TH: variants seen among roughly 807,000 people sequenced by gnomAD.
The protein encoded by TH is tyrosine hydroxylase, also known as tyrosine 3-monooxygenase.
In TH, 49 loss-of-function variants were observed where a neutral mutation model predicts 57.4. That is an observed-to-expected ratio of 0.85 (90% confidence interval 0.68 to 1.08). TH has a LOEUF of 1.08. TH is among the 50% of genes least tolerant of loss of function. TH has a pLI of 0.00. For synonymous variants in TH, 330 were observed against 304.5 expected (o/e 1.08, Z -0.87); for missense variants, 720 against 696.7 (o/e 1.03, Z -0.38).
chr11:2,167,920 T>TG lies in TH; in HGVS notation c.589dup (p.Gln197ProfsTer12). 6.2e-7 allele frequency: 1 copy of TG among 1,611,590 alleles called. No homozygotes were observed. The highest frequency in any genetic ancestry group is 8.5e-7 in the Non-Finnish European group (1 of 1,179,424). On this transcript the variant is annotated frameshift_variant, in exon 5 of 13. Coordinates refer to ENST00000352909, the MANE Select transcript of TH (RefSeq NM_000360.4). LOFTEE classifies it high-confidence loss of function. The stretch of plus-strand genomic sequence containing the variant: ...CAGCTTCCTGCGCTGGCGGTACACC[T>TG]GGTCCGAGAAGCCCTGAGGGCAGAG...
intron 6 of TH, 77 bp downstream of exon 6, chr11:2,167,358 G>A: frequency 2.7e-6 from 4 of 1,480,712 alleles, no homozygotes; most frequent in Non-Finnish European, 3.7e-6. Context: ...GGTCCCTGGA[G>A]GCGGCCCTCA....
rs1297405044 is a variant in TH at position 2,171,182 on chromosome 11, C to T, written c.90+515G>A. Among the ~76,000 whole-genome samples the T allele has an allele frequency of 6.6e-6, 1 of 151,916 alleles. No homozygotes were observed. The highest frequency in any genetic ancestry group is 2.4e-5 in the African/African-American group (1 of 41,346). On this transcript the variant is annotated intron_variant, in intron 1 of 12. Coordinates refer to ENST00000352909, the MANE Select transcript of TH (RefSeq NM_000360.4). The surrounding 1 kb of genome is among the most constrained non-coding windows in gnomAD (Gnocchi z 8.6). ...AGCCCAGATACCCTTTGAATTTTGC[C>T]CCCTATTTGCCCAGGACCCCCCACC...
chr11:2,166,367 CG>C lies in TH; in HGVS notation c.1047+112del, dbSNP rs1846090003. 8.8e-6 allele frequency: 12 copies of C among 1,369,642 alleles called. No individual in the cohort carries two copies. In the East Asian group the frequency reaches 2.8e-4, roughly 32 times the overall value. 84.8% of individuals were successfully genotyped at this position (1,369,642 alleles called of 1,614,324 possible). A position where few individuals can be genotyped will look rare whatever the true frequency, so the allele number is the denominator to read the frequency against. On this transcript the variant is annotated intron_variant, in intron 9 of 12. Transcript: ENST00000352909. ...CCCTCGGGGCGCCGAGCCTCCTTGG[CG>C]GGGCCCGGGAGCAGGCAGCACACTT...
chr11:2,164,128 G>T lies in TH; in HGVS notation c.*105C>A. The T allele has an allele frequency of 2.8e-6, 3 of 1,055,244 alleles. No homozygotes were observed. The highest frequency in any genetic ancestry group is 2.5e-6 in the Non-Finnish European group (2 of 801,864). The allele number at this position is 1,055,244 out of a possible 1,614,324, so 65.4% of individuals were successfully genotyped here. The stretch of plus-strand genomic sequence containing the variant: ...GGGGCAGTGGGAGCCTGGCAGCAGG[G>T]AGGGCATGGGGGGCACCCGGGACCC... On this transcript the variant is annotated 3_prime_UTR_variant, in exon 13 of 13. Coordinates refer to ENST00000352909, the MANE Select transcript of TH (RefSeq NM_000360.4).
At position 2,171,421 on chromosome 11, in the gene TH, A is replaced by G. The variant is rs1295378370; in HGVS notation, c.90+276T>C. On this transcript the variant is annotated intron_variant, in intron 1 of 12. Transcript: ENST00000352909. This position sits in a 1 kb window ranked among gnomAD's most constrained non-coding sequence, Gnocchi z 8.6. ...TCCGATCGTTAAGATTCAAGATGAA[A>G]CAAGACACAGAGACCCACACGACCC... 6.6e-6 allele frequency among the ~76,000 whole-genome samples: 1 copy of G among 151,666 alleles called. No homozygotes were observed. The highest frequency in any genetic ancestry group is 1.9e-4 in the East Asian group (1 of 5,158).
intron 12 of TH, 140 bp from the exon 13 acceptor site, chr11:2,164,532 G>T: frequency 1.0e-6 from 1 of 981,618 alleles, no homozygotes; most frequent in Non-Finnish European, 1.4e-6. Flanking sequence ...CTGGTCACAG[G>T]CGGGACACTG....
At chr11:2,169,963 G>A in intron 1 of TH, 92 bp from the exon 2 acceptor site, 2 of 1,271,620 alleles carry the variant, frequency 1.6e-6, no homozygotes, top group Non-Finnish European at 2.2e-6. Context: ...CAGCGCTGAT[G>A]GCACACAGAG....
intron 3 of TH, 105 bp from the exon 4 acceptor site, chr11:2,168,284 A>T (rs1846156270): frequency 7.1e-7 from 1 of 1,413,616 alleles, no homozygotes; most frequent in Non-Finnish European, 9.9e-7. Context: ...GGGCAGAGGC[A>T]GCCGGGGCTG....
chr11:2,164,518 C>A, intron 12 of TH, 126 bp from the exon 13 acceptor site: 1 of 1,138,486 alleles, frequency 8.8e-7, no homozygotes, highest in Non-Finnish European at 1.2e-6. Context: ...CTTTTCTGAG[C>A]CAACTGGTCA....
chr11:2,165,967 C>T (rs907060558), intron 10 of TH, 35 bp downstream of exon 10: 1 of 1,553,796 alleles, frequency 6.4e-7, no homozygotes. Flanking sequence ...CCCCCAAACC[C>T]ACACCCCAGG....
chr11:2,168,777 C>T (rs1846173891), intron 2 of TH, 112 bp from the exon 3 acceptor site: 2 of 1,318,176 alleles, frequency 1.5e-6, no homozygotes, highest in Admixed American at 2.0e-5. Context: ...AGGCCCTGCC[C>T]TTGACTTTTG....
At position 2,170,180 on chromosome 11, in the gene TH, A is replaced by T. The variant is rs1729187982; in HGVS notation, c.91-309T>A. On this transcript the variant is annotated intron_variant, in intron 1 of 12. Transcript: ENST00000352909. This position sits in a 1 kb window ranked among gnomAD's most constrained non-coding sequence, Gnocchi z 6.0. ...GACAGACAGAGACGCTGTGTCACTCATCCCCAGGCCAGGCGCTAACTGGAT... is the reference window on the plus strand; with the variant it reads ...GACAGACAGAGACGCTGTGTCACTCTTCCCCAGGCCAGGCGCTAACTGGAT... Among the ~76,000 whole-genome samples the T allele has an allele frequency of 2.0e-5, 3 of 152,090 alleles. No individual in the cohort carries two copies. Among genetic ancestry groups the T allele is most frequent in the Admixed American group, 2.0e-4 (3 of 15,288 alleles).
intron 6 of TH, 53 bp from the exon 7 acceptor site, chr11:2,167,085 C>G: frequency 1.3e-6 from 2 of 1,548,012 alleles, no homozygotes; most frequent in Non-Finnish European, 1.7e-6. Context: ...GTGCCCGAAA[C>G]CCCCCTCCTG....
At chr11:2,168,006 GC>G in intron 4 of TH, 73 bp from the exon 5 acceptor site, 1 of 1,610,054 alleles carries the variant, frequency 6.2e-7, no homozygotes. Context: ...GGCTCCTGGA[GC>G]CGACAGACTC....
In TH at chr11:2,164,072, C is replaced by T; in HGVS notation, c.*161G>A. On this transcript the variant is annotated 3_prime_UTR_variant, in exon 13 of 13. Transcript: ENST00000352909. ...AGGCAGCACAACCTCACCACGGGCA[C>T]ACACAGCTGTTGCGCTGAGAAGCAG... 1.7e-6 allele frequency: 1 copy of T among 596,088 alleles called. No individual in the cohort carries two copies. The highest frequency in any genetic ancestry group is 5.5e-5 in the South Asian group (1 of 18,288). The allele number at this position is 596,088 out of a possible 1,614,324, so 36.9% of individuals were successfully genotyped here.
intron 6 of TH, 46 bp downstream of exon 6, chr11:2,167,389 C>T (rs1846128068): frequency 6.5e-7 from 1 of 1,544,776 alleles, no homozygotes; most frequent in Admixed American, 2.0e-5. Flanking sequence ...TTCCAGGAGG[C>T]ATCCCCCGGG....
chr11:2,165,320 C>A lies in TH; in HGVS notation c.1246G>T (p.Ala416Ser), dbSNP rs549419898. The change falls in exon 12 of 13, where the codon GCT becomes TCT. Residue 416 changes from alanine (A) to serine (S), a missense_variant. Coordinates refer to ENST00000352909, the MANE Select transcript of TH (RefSeq NM_000360.4). The part of the protein sequence containing the change: ...EPEIRAFDPE[A>S]AAVQPYQDQT... Reference sequence around the variant, plus strand: ...TCTTGGTAGGGCTGCACGGCCGCAGCCTCAGGGTCGAAGGCCCGAATCTCA... The same window carrying A: ...TCTTGGTAGGGCTGCACGGCCGCAGACTCAGGGTCGAAGGCCCGAATCTCA... The A allele has an allele frequency of 6.2e-7, 1 of 1,612,554 alleles. No homozygotes were observed. Among genetic ancestry groups the A allele is most frequent in the Non-Finnish European group, 8.5e-7 (1 of 1,179,996 alleles).
In TH at chr11:2,170,439, C is replaced by T. The variant is rs928882340; in HGVS notation, c.91-568G>A. On this transcript the variant is annotated intron_variant, in intron 1 of 12. Transcript: ENST00000352909. The surrounding 1 kb of genome is among the most constrained non-coding windows in gnomAD (Gnocchi z 6.0). ...TCCTGGCTGCCTTGTCATCCCTCCA[C>T]CCTTTGTCATAGCTCTGGGCGCAGG... 1.3e-5 allele frequency among the ~76,000 whole-genome samples: 2 copies of T among 152,302 alleles called. No individual in the cohort carries two copies. Among genetic ancestry groups the T allele is most frequent in the East Asian group, 3.9e-4 (2 of 5,156 alleles).
At position 2,164,201 on chromosome 11, in the gene TH, G is replaced by A; in HGVS notation, c.*32C>T. On this transcript the variant is annotated 3_prime_UTR_variant, in exon 13 of 13. Coordinates refer to ENST00000352909, the MANE Select transcript of TH (RefSeq NM_000360.4). Reference sequence around the variant, plus strand: ...TCCGGGACAGTGCAGGACCAGGGGAGGTTGGGAAGGGCCCTCAGGGACGCC... The same window carrying A: ...TCCGGGACAGTGCAGGACCAGGGGAAGTTGGGAAGGGCCCTCAGGGACGCC... 10 of 1,430,552 alleles carry A rather than the reference G, an allele frequency of 7.0e-6. No homozygotes were observed. The highest frequency in any genetic ancestry group is 9.2e-6 in the Non-Finnish European group (10 of 1,088,442). The allele number at this position is 1,430,552 out of a possible 1,614,324, so 88.6% of individuals were successfully genotyped here.
Sources: gnomAD v4.1 joint callset for allele counts (sites outside exome capture counted in the v4.1 genomes callset) on GRCh38, gnomAD v4.1.1 for gene constraint, Gnocchi (gnomAD v3.1) non-coding constraint, MANE v1.5 for transcripts, NCBI Gene and HGNC (gene_info 2026-07-23, HGNC 2026-07-21) for gene names.